The following ABCA5 variants were observed in gnomAD, a reference collection of about 807,000 sequenced individuals.
ABCA5 encodes ATP binding cassette subfamily A member 5.
In ABCA5, 163 loss-of-function variants were observed where a neutral mutation model predicts 206.0. The observed-to-expected ratio is 0.79, with a 90% CI of 0.70 to 0.90. The LOEUF (loss-of-function observed/expected upper bound fraction) is 0.90, where lower values mean the gene tolerates loss of function less well. Among genes scored for constraint, ABCA5 ranks in the 40% least tolerant of loss-of-function variants. The pLI is 0.00. For synonymous variants in ABCA5, 609 were observed against 613.8 expected, an observed-to-expected ratio of 0.99 and a Z score of 0.11; for missense variants, 1,859 against 1,912.9, an observed-to-expected ratio of 0.97 and a Z score of 0.53.
Position 69,326,454 on chromosome 17 carries a change from A to C in ABCA5, c.-16+598T>G, listed in dbSNP as rs1296285432. Among the ~76,000 whole-genome samples the C allele has an allele frequency of 6.6e-6, 1 of 152,142 alleles. No individual in the cohort carries two copies. The highest frequency in any genetic ancestry group is 1.9e-4 in the East Asian group (1 of 5,196). On this transcript the variant is annotated intron_variant, in intron 1 of 38. Transcript: ENST00000392676. This position sits in a 1 kb window ranked among gnomAD's most constrained non-coding sequence, Gnocchi z 4.8. ...TCCAGCCTGCCCAGCTTTCCGATCC[A>C]ATTAAGTATTTCCATGCCTGGAGCT...
chr17:69,304,595 T>C (rs1381012404), intron 7 of ABCA5, 74 bp downstream of exon 7: 1 of 1,282,780 alleles, frequency 7.8e-7, no homozygotes, highest in Non-Finnish European at 1.0e-6. Context: ...ATAAGTAAAC[T>C]GAAGAAAAAG....
intron 32 of ABCA5, 85 bp from the exon 33 acceptor site, chr17:69,253,954 CT>C: frequency 2.6e-6 from 3 of 1,135,356 alleles, no homozygotes; most frequent in Non-Finnish European, 3.8e-6. Flanking sequence ...ATGTTGTTTT[CT>C]CTAGAATAGT....
chr17:69,314,431 C>A lies in ABCA5; in HGVS notation c.-15-1G>T. The A allele has an allele frequency of 6.4e-7, 1 of 1,568,396 alleles. No homozygotes were observed. Among genetic ancestry groups the A allele is most frequent in the Non-Finnish European group, 8.7e-7 (1 of 1,143,922 alleles). On this transcript the variant is annotated splice_acceptor_variant, in intron 1 of 38. Transcript: ENST00000392676. LOFTEE classifies it low-confidence loss of function (5UTR_SPLICE). ...CAGTGGACATGTTTTCTGAATAAAC[C>A]TATTAAAGAGGAAAAACAAACAAAC...
Position 69,311,069 on chromosome 17 carries a change from C to T in ABCA5, c.308-1646G>A, listed in dbSNP as rs113893008. 3.0e-3 allele frequency among the ~76,000 whole-genome samples: 458 copies of T among 152,200 alleles called. 3 individuals are homozygous for T. The highest frequency in any genetic ancestry group is 0.01 in the African/African-American group (424 of 41,532). On this transcript the variant is annotated intron_variant, in intron 3 of 38. Transcript: ENST00000392676. The stretch of plus-strand genomic sequence containing the variant: ...ATTAGCCAGGTGTGGTGGTGTGCAC[C>T]TGTAGTCCCAGCTACTCAGGAGGCT...
intron 4 of ABCA5, 97 bp from the exon 5 acceptor site, chr17:69,308,465 A>G (rs751828540): frequency 8.0e-6 from 6 of 748,004 alleles, no homozygotes; most frequent in Non-Finnish European, 1.4e-5. Context: ...AAAACAATAT[A>G]ATCAATCAAT....
chr17:69,286,409 TATG>T (rs1221051926), intron 15 of ABCA5, 98 bp from the exon 16 acceptor site: 3 of 1,011,836 alleles, frequency 3.0e-6, no homozygotes, highest in South Asian at 3.0e-5. Context: ...TCATCCACAT[TATG>T]ATATCATTAA....
Position 69,289,075 on chromosome 17 carries a change from G to A in ABCA5, c.1902+102C>T. On this transcript the variant is annotated intron_variant, in intron 14 of 38. Coordinates refer to ENST00000392676, the MANE Select transcript of ABCA5 (RefSeq NM_172232.4). ...TCCATAATAACATACAGCATTTTAT[G>A]TACACTTAACCTTTACATAATGTAT... is the stretch of plus-strand genomic sequence containing the variant. The A allele has an allele frequency of 2.6e-6, 3 of 1,139,970 alleles. No homozygotes were observed. In the South Asian group the frequency reaches 6.0e-5, roughly 23 times the overall value. The allele number at this position is 1,139,970 out of a possible 1,614,324, so 70.6% of individuals were successfully genotyped here.
At chr17:69,316,156 CA>C (rs2075813984) in intron 1 of ABCA5, among the ~76,000 whole-genome samples, 1 of 152,082 alleles carries the variant, frequency 6.6e-6, no homozygotes, top group Admixed American at 6.5e-5. Context: ...ATCTGAACAA[CA>C]GAGAGAAAAA....
At chr17:69,274,434 G>C (rs2075308360) in intron 19 of ABCA5, among the ~76,000 whole-genome samples, 1 of 151,986 alleles carries the variant, frequency 6.6e-6, no homozygotes, top group Non-Finnish European at 1.5e-5. Flanking sequence ...TGCCAAGGCT[G>C]GTCTCAAACT....
chr17:69,296,433 T>C (rs1007647613), intron 10 of ABCA5, among the ~76,000 whole-genome samples: 2 of 152,216 alleles, frequency 1.3e-5, no homozygotes, highest in Non-Finnish European at 2.9e-5. Context: ...CAAGGAATCG[T>C]AATGAATTTC....
chr17:69,316,101 GA>G (rs1309221193), intron 1 of ABCA5, among the ~76,000 whole-genome samples: 7 of 152,094 alleles, frequency 4.6e-5, no homozygotes, highest in Middle Eastern at 3.4e-3. Context: ...GAACACAACA[GA>G]AAAAAAGTCA....
In ABCA5 at chr17:69,291,255, A is replaced by G. The variant is rs145880182; in HGVS notation, c.1567T>C (p.Leu523=). Reference sequence around the variant, plus strand: ...CAGAGTCCACAAAGAATATTCATCAATGTACTCTTTCCTGTTCCACTGTGG... The same window carrying G: ...CAGAGTCCACAAAGAATATTCATCAGTGTACTCTTTCCTGTTCCACTGTGG... The part of the protein sequence containing the change: ...LGHSGTGKST[L]MNILCGLCPP... The change falls in exon 12 of 39, where the codon TTG becomes CTG. Residue 523 remains leucine (L), a synonymous_variant. Transcript: ENST00000392676. 1.9e-6 allele frequency: 3 copies of G among 1,610,618 alleles called. No individual in the cohort carries two copies. Among genetic ancestry groups the G allele is most frequent in the African/African-American group, 1.3e-5 (1 of 74,846 alleles).
intron 25 of ABCA5, 115 bp from the exon 26 acceptor site, chr17:69,261,374 T>C (rs1455148008): frequency 3.0e-6 from 3 of 1,001,628 alleles, no homozygotes; most frequent in Non-Finnish European, 4.3e-6. Flanking sequence ...GAACAAGAGA[T>C]GATATTTAGC....
intron 20 of ABCA5, among the ~76,000 whole-genome samples, chr17:69,271,742 T>C (rs921529096): frequency 5.3e-5 from 8 of 152,128 alleles, no homozygotes; most frequent in African/African-American, 1.9e-4. Flanking sequence ...ATAATAAGAA[T>C]AAAAATCTAT....
chr17:69,253,707 G>T (rs758750288), intron 33 of ABCA5, 40 bp from the exon 34 acceptor site: 1 of 1,589,732 alleles, frequency 6.3e-7, no homozygotes, highest in African/African-American at 1.3e-5. Context: ...ATTAACAAAG[G>T]TTCACTATAA....
At chr17:69,311,743 C>G (rs945761218) in intron 3 of ABCA5, among the ~76,000 whole-genome samples, 5 of 152,048 alleles carry the variant, frequency 3.3e-5, no homozygotes, top group Non-Finnish European at 5.9e-5. Flanking sequence ...CTGCTCACCT[C>G]GGCCTCCCAA....
At chr17:69,285,706 T>C (rs1222009424) in intron 17 of ABCA5, among the ~76,000 whole-genome samples, 192 bp downstream of exon 17, 1 of 149,510 alleles carries the variant, frequency 6.7e-6, no homozygotes, top group East Asian at 1.9e-4. Context: ...GCATGGTGTT[T>C]GTAAAAAAAA....
chr17:69,268,582 G>A (rs1220633777), intron 22 of ABCA5: 2 of 152,036 alleles, frequency 1.3e-5, no homozygotes, highest in African/African-American at 2.4e-5. Context: ...AGGGATCCAG[G>A]TGCAGTCAGC....
chr17:69,247,315 A>C lies in ABCA5; in HGVS notation c.*222T>G, dbSNP rs140017865. The C allele has an allele frequency of 7.0e-6, 3 of 428,324 alleles. No individual in the cohort carries two copies. Among genetic ancestry groups the C allele is most frequent in the African/African-American group, 6.2e-5 (3 of 48,412 alleles). The allele number at this position is 428,324 out of a possible 1,614,324, so 26.5% of individuals were successfully genotyped here. The stretch of plus-strand genomic sequence containing the variant: ...AGATGACATACAAACTATATAGTTC[A>C]ATATACTTCAATACAAACATGCAGC... On this transcript the variant is annotated 3_prime_UTR_variant, in exon 39 of 39. Transcript: ENST00000392676.
Sources: allele counts gnomAD v4.1 joint callset (sites outside exome capture counted in the v4.1 genomes callset), GRCh38; gene constraint gnomAD v4.1.1; non-coding constraint Gnocchi (gnomAD v3.1); transcripts MANE v1.5; gene names NCBI Gene and HGNC (gene_info 2026-07-23, HGNC 2026-07-21).